Variants in RGS6 observed in about 807,000 individuals in gnomAD.
RGS6 encodes the protein regulator of G protein signaling 6.
RGS6 carries 30 observed loss-of-function variants against 78.5 expected under a neutral mutation model. That is an observed-to-expected ratio of 0.38 (90% CI 0.29 to 0.52). The LOEUF is 0.52. Ranked by LOEUF, RGS6 falls within the 20% of genes least tolerant of loss-of-function variation. The pLI is 0.85. For missense variants in RGS6, 495 were observed against 609.7 expected, an observed-to-expected ratio of 0.81 and a Z score of 1.98; for synonymous variants, 206 against 206.0, an observed-to-expected ratio of 1.00 and a Z score of 0.00.
intron 2 of RGS6, among the ~76,000 whole-genome samples, chr14:72,203,506 G>A (rs2042037947): frequency 6.6e-6 from 1 of 152,184 alleles, no homozygotes; most frequent in African/African-American, 2.4e-5. Context: ...TGGCCAGGTG[G>A]GGAAGGACCT....
the RGS6 span, among the ~76,000 whole-genome samples, chr14:71,882,234 A>G: frequency 1.2e-3 from 184 of 152,314 alleles, 11 homozygotes; most frequent in South Asian, 0.037. Flanking sequence ...CACTTAGCAC[A>G]ATGTCCTAAA....
Position 72,409,268 on chromosome 14 carries a change from G to T in RGS6, c.185-45260G>T, listed in dbSNP as rs191593887. Among the ~76,000 whole-genome samples the T allele has an allele frequency of 2.8e-3, 432 of 152,320 alleles. 1 individual carries two copies. Among genetic ancestry groups the T allele is most frequent in the Non-Finnish European group, 4.7e-3 (323 of 68,044 alleles). ...TTGGGCAGCACCCAGAACCAGAAAA[G>T]GTTCAGAGAGCTCTACCCAGCAGCA... On this transcript the variant is annotated intron_variant, in intron 3 of 17. Coordinates refer to ENST00000553525, the MANE Select transcript of RGS6 (RefSeq NM_001204424.2).
chr14:72,250,079 G>A (rs36162266), intron 2 of RGS6, among the ~76,000 whole-genome samples: 4 of 128,576 alleles, frequency 3.1e-5, no homozygotes, highest in Admixed American at 8.3e-5. Context: ...ATCACACTCC[G>A]GGGACTGTTG....
chr14:72,624,333 C>CT, the RGS6 span, among the ~76,000 whole-genome samples: 310 of 97,776 alleles, frequency 3.2e-3, 8 homozygotes, highest in Middle Eastern at 0.015. Context: ...ACCTATGTCT[C>CT]TTTTTTTTTT....
At chr14:72,290,645 C>G (rs889257179) in intron 2 of RGS6, among the ~76,000 whole-genome samples, 6 of 152,156 alleles carry the variant, frequency 3.9e-5, no homozygotes, top group Middle Eastern at 3.2e-3. Context: ...GTCAGTGTGG[C>G]TTCTATTGCT....
chr14:72,166,746 T>C (rs527272082), intron 2 of RGS6, among the ~76,000 whole-genome samples: 1 of 152,220 alleles, frequency 6.6e-6, no homozygotes, highest in Non-Finnish European at 1.5e-5. Flanking sequence ...TATAGACCTA[T>C]TGATCTCAGA....
intron 15 of RGS6, among the ~76,000 whole-genome samples, chr14:72,531,692 G>C (rs995456738): frequency 4.6e-5 from 7 of 152,054 alleles, no homozygotes; most frequent in African/African-American, 1.7e-4. Flanking sequence ...TGTAAAAGTT[G>C]TATGTATTTA....
intron 2 of RGS6, among the ~76,000 whole-genome samples, chr14:72,024,026 A>G (rs965280426): frequency 2.1e-4 from 25 of 116,670 alleles, no homozygotes; most frequent in Non-Finnish European, 3.8e-4. Flanking sequence ...TTGCTACTCA[A>G]TTAGATTCTG....
intron 2 of RGS6, among the ~76,000 whole-genome samples, chr14:72,306,998 A>G (rs1252085029): frequency 6.6e-6 from 1 of 152,240 alleles, no homozygotes; most frequent in African/African-American, 2.4e-5. Flanking sequence ...GAAAGGAAGA[A>G]TCAGTTAATG....
rs557356146 is a variant in RGS6 at position 72,540,772 on chromosome 14, C to A, written c.1422+678C>A. The A allele has an allele frequency of 2.8e-4, 274 of 985,362 alleles. 4 individuals are homozygous for A. The South Asian group carries it at 0.011, about 41-fold the overall frequency. 61.0% of individuals were successfully genotyped at this position (985,362 alleles called of 1,614,324 possible). ...GTACTCCCCGGGGGCAAGGTCCTAC[C>A]GGCCTCCTCAGGCCTTGATTCTAAC... On this transcript the variant is annotated intron_variant, in intron 17 of 17. Coordinates refer to ENST00000553525, the MANE Select transcript of RGS6 (RefSeq NM_001204424.2).
At chr14:72,555,994 G>A (rs544815107) in intron 17 of RGS6, among the ~76,000 whole-genome samples, 50 of 152,290 alleles carry the variant, frequency 3.3e-4, no homozygotes, top group African/African-American at 4.3e-4. Context: ...TGAGCTACCC[G>A]TGCCATTCCA....
chr14:72,233,612 T>C (rs981685281), intron 2 of RGS6, among the ~76,000 whole-genome samples: 1 of 152,192 alleles, frequency 6.6e-6, no homozygotes, highest in Non-Finnish European at 1.5e-5. Context: ...GTCCAATGCT[T>C]AGGACACCAT....
intron 2 of RGS6, among the ~76,000 whole-genome samples, chr14:72,208,981 G>T (rs1013019725): frequency 2.0e-5 from 3 of 151,990 alleles, no homozygotes; most frequent in Admixed American, 6.6e-5. Flanking sequence ...GTCAGATGTG[G>T]TGGCACACAC....
At chr14:72,219,232 G>A (rs1280818987) in intron 2 of RGS6, among the ~76,000 whole-genome samples, 6 of 151,996 alleles carry the variant, frequency 3.9e-5, no homozygotes, top group Admixed American at 1.3e-4. Context: ...CACACTGCAC[G>A]TGACCATGAA....
chr14:72,517,611 C>T (rs962634551), intron 14 of RGS6, among the ~76,000 whole-genome samples: 1 of 152,224 alleles, frequency 6.6e-6, no homozygotes, highest in African/African-American at 2.4e-5. Flanking sequence ...CAGCATTGCT[C>T]CAGATGCGTC....
rs2092547946 is a variant in RGS6, at chr14:71,953,741, A to G, written c.-20-11031A>G. 2.0e-5 allele frequency among the ~76,000 whole-genome samples: 3 copies of G among 152,110 alleles called. No individual in the cohort carries two copies. In the South Asian group the frequency reaches 6.2e-4, roughly 32 times the overall value. ...ACCAATTATGAATAAGAAAAATACA[A>G]TATGTTGTTTTTACCTTTATTCCTT... is the stretch of plus-strand genomic sequence containing the variant. On this transcript the variant is annotated intron_variant, in intron 1 of 17. Transcript: ENST00000553525.
chr14:72,325,359 TA>T (rs2073436665), intron 2 of RGS6, among the ~76,000 whole-genome samples: 6 of 152,192 alleles, frequency 3.9e-5, no homozygotes, highest in Admixed American at 3.9e-4. Context: ...TTAGTTTAAT[TA>T]GATCCCATTT....
chr14:72,300,337 G>C (rs774631826), intron 2 of RGS6, among the ~76,000 whole-genome samples: 1 of 152,034 alleles, frequency 6.6e-6, no homozygotes, highest in Non-Finnish European at 1.5e-5. Context: ...ATAGATTGCT[G>C]GTCTGAAACT....
At chr14:72,101,830 G>A (rs562427499) in intron 2 of RGS6, among the ~76,000 whole-genome samples, 2 of 152,206 alleles carry the variant, frequency 1.3e-5, no homozygotes, top group East Asian at 3.8e-4. Context: ...CAAGGCTAAG[G>A]CCCTCATAGG....
Sources: allele counts gnomAD v4.1 joint callset (sites outside exome capture counted in the v4.1 genomes callset), GRCh38; gene constraint gnomAD v4.1.1; transcripts MANE v1.5; gene names NCBI Gene and HGNC (gene_info 2026-07-23, HGNC 2026-07-21).